SLC26A6: variants seen among roughly 807,000 people sequenced by gnomAD.
SLC26A6 encodes solute carrier family 26 member 6.
Under a neutral mutation model 87.1 loss-of-function variants are expected in SLC26A6, and 67 were observed. The observed-to-expected ratio is 0.77, with a 90% CI of 0.63 to 0.94. The LOEUF (loss-of-function observed/expected upper bound fraction) is 0.94, where lower values mean the gene tolerates loss of function less well. Among genes scored for constraint, SLC26A6 ranks in the 40% least tolerant of loss-of-function variants. The pLI, the probability that SLC26A6 is intolerant of heterozygous loss-of-function variation, is 0.00. For synonymous variants in SLC26A6, 414 were observed against 405.9 expected (o/e 1.02, Z -0.24); for missense variants, 902 against 973.0 (o/e 0.93, Z 0.97).
intron 1 of SLC26A6, 178 bp from the exon 2 acceptor site, chr3:48,633,813 G>A (rs2046880639): frequency 2.8e-6 from 4 of 1,441,490 alleles, no homozygotes; most frequent in African/African-American, 1.4e-5. Context: ...GACAGGGGCA[G>A]TACCTGAACT....
Position 48,630,727 on chromosome 3 carries a change from G to A in SLC26A6, c.1135-7C>T, listed in dbSNP as rs1240048147. ...GGCCCAGGGCCACCAGCTCCTGACG[G>A]GGGACAGTACGGGTGTGAGAAGACT... On this transcript the variant is annotated splice_polypyrimidine_tract_variant and splice_region_variant and intron_variant, in intron 9 of 20. Transcript: ENST00000395550. 4.4e-6 allele frequency: 7 copies of A among 1,592,016 alleles called. No homozygotes were observed. In the South Asian group the frequency reaches 6.8e-5, roughly 15 times the overall value.
chr3:48,632,733 C>T (rs2046841190), intron 4 of SLC26A6: 1 of 676,540 alleles, frequency 1.5e-6, no homozygotes, highest in African/African-American at 1.8e-5. Context: ...AGTTCCAGGC[C>T]CCTTGGGCTG....
Position 48,632,027 on chromosome 3 carries a change from G to A in SLC26A6, c.603C>T (p.Ile201=), listed in dbSNP as rs757323657. 6.2e-7 allele frequency: 1 copy of A among 1,613,360 alleles called. No individual in the cohort carries two copies. Among genetic ancestry groups the A allele is most frequent in the Non-Finnish European group, 8.5e-7 (1 of 1,180,012 alleles). The part of the protein sequence containing the change: ...VGLFQVGLGL[I]HFGFVVTYLS... ...GGTAGGTGACCACGAAGCCGAAGTG[G>A]ATCAGGCCCAGCCCCACCTGTGGGG... The change falls in exon 6 of 21, where the codon ATC becomes ATT. Residue 201 remains isoleucine (I), a synonymous_variant. Coordinates refer to ENST00000395550, the MANE Select transcript of SLC26A6 (RefSeq NM_022911.3).
At position 48,628,065 on chromosome 3, in the gene SLC26A6, A is replaced by G. The variant is rs1303971296; in HGVS notation, c.1801-27T>C. ...TACACCAGGGAAGACAGGGAATGGG[A>G]AACAGCTAGCCCGGCTGCCATGACA... On this transcript the variant is annotated intron_variant, in intron 16 of 20. Coordinates refer to ENST00000395550, the MANE Select transcript of SLC26A6 (RefSeq NM_022911.3). The surrounding 1 kb of genome is among the most constrained non-coding windows in gnomAD (Gnocchi z 4.4). The G allele has an allele frequency of 3.9e-6, 6 of 1,543,154 alleles. No homozygotes were observed. The highest frequency in any genetic ancestry group is 5.2e-6 in the Non-Finnish European group (6 of 1,147,854).
At chr3:48,635,110 C>G (rs1307428533) in intron 1 of SLC26A6, among the ~76,000 whole-genome samples, 1 of 152,248 alleles carries the variant, frequency 6.6e-6, no homozygotes, top group African/African-American at 2.4e-5. Flanking sequence ...GGCTCCTCCG[C>G]ACGCAGCTGC....
intron 19 of SLC26A6, 91 bp from the exon 20 acceptor site, chr3:48,626,445 CT>C (rs2046624923): frequency 1.3e-6 from 2 of 1,581,842 alleles, no homozygotes; most frequent in South Asian, 1.1e-5. Context: ...CTCATCACCC[CT>C]GACCTCCACC....
At position 48,632,023 on chromosome 3, in the gene SLC26A6, A is replaced by G. The variant is rs937685332; in HGVS notation, c.607T>C (p.Phe203Leu). 5 of 1,613,234 alleles carry G rather than the reference A, an allele frequency of 3.1e-6. No individual in the cohort carries two copies. Among genetic ancestry groups the G allele is most frequent in the Non-Finnish European group, 4.2e-6 (5 of 1,180,018 alleles). ...GACAGGTAGGTGACCACGAAGCCGA[A>G]GTGGATCAGGCCCAGCCCCACCTGT... ...LFQVGLGLIH[F>L]GFVVTYLSEP... Residue 203 changes from phenylalanine (F) to leucine (L), a missense_variant, in exon 6 of 21, where the codon TTC (phenylalanine) becomes CTC (leucine). Phe to Leu is a conservative substitution (Grantham distance 22). Coordinates refer to ENST00000395550, the MANE Select transcript of SLC26A6 (RefSeq NM_022911.3).
intron 14 of SLC26A6, among the ~76,000 whole-genome samples, chr3:48,629,111 G>A (rs1408767705): frequency 6.6e-6 from 1 of 152,182 alleles, no homozygotes; most frequent in Non-Finnish European, 1.5e-5. Context: ...GGCATGCATG[G>A]TAAGGGCTGG....
chr3:48,632,570 C>A (rs1186664265), intron 4 of SLC26A6, 174 bp from the exon 5 acceptor site: 4 of 867,462 alleles, frequency 4.6e-6, no homozygotes, highest in Non-Finnish European at 7.5e-6. Flanking sequence ...CAGGAGTAAA[C>A]CCTGAGCTCA....
At chr3:48,627,103 C>T in intron 17 of SLC26A6, 48 bp from the exon 18 acceptor site, 1 of 1,583,170 alleles carries the variant, frequency 6.3e-7, no homozygotes, top group South Asian at 1.2e-5. Context: ...AGAGTGAAGG[C>T]AGGACTGGCC....
chr3:48,632,128 GGAT>G, intron 5 of SLC26A6, 84 bp from the exon 6 acceptor site: 5 of 1,591,530 alleles, frequency 3.1e-6, no homozygotes, highest in Non-Finnish European at 4.3e-6. Context: ...GATGGGAGGG[GGAT>G]GAGTAGACGG....
intron 1 of SLC26A6, among the ~76,000 whole-genome samples, chr3:48,634,914 G>A (rs1280584102): frequency 6.6e-6 from 1 of 152,220 alleles, no homozygotes; most frequent in Non-Finnish European, 1.5e-5. Flanking sequence ...CCCGCGTTTG[G>A]AGGGCGGAGC....
intron 11 of SLC26A6, 51 bp from the exon 12 acceptor site, chr3:48,630,208 C>T (rs1158723616): frequency 1.3e-6 from 2 of 1,584,440 alleles, no homozygotes; most frequent in Non-Finnish European, 1.7e-6. Context: ...CCGATGCTGA[C>T]AACCCTCCTC....
intron 17 of SLC26A6, 187 bp downstream of exon 17, chr3:48,627,759 C>G (rs1328831930): frequency 3.9e-6 from 2 of 517,296 alleles, no homozygotes; most frequent in East Asian, 7.1e-5. Flanking sequence ...AGAATCTAAG[C>G]CTAGATTCTG....
In SLC26A6 at chr3:48,626,671, G is replaced by C. The variant is rs767530250; in HGVS notation, c.2088C>G (p.Phe696Leu). Reference protein sequence around the residue: ...LKSLKNIFHDFREIEVEVYMA... With the variant: ...LKSLKNIFHDLREIEVEVYMA... ...TGTACACCTCCACCTCAATCTCCCG[G>C]AAGTCATGGAAAATCTGTAGCGGAA... is the stretch of plus-strand genomic sequence containing the variant. Residue 696 changes from phenylalanine (F) to leucine (L), a missense_variant, in exon 19 of 21, where the codon TTC becomes TTG. Physicochemically the swap from Phe to Leu is conservative, Grantham distance 22. This residue lies in a region of SLC26A6 where 99 missense variants were observed against 100.1 expected (regional missense o/e 0.99). Coordinates refer to ENST00000395550, the MANE Select transcript of SLC26A6 (RefSeq NM_022911.3). 2 of 1,614,118 alleles carry C rather than the reference G, an allele frequency of 1.2e-6. No individual in the cohort carries two copies. The highest frequency in any genetic ancestry group is 1.7e-5 in the Admixed American group (1 of 60,018).
intron 11 of SLC26A6, 86 bp downstream of exon 11, chr3:48,630,352 T>C: frequency 7.0e-7 from 1 of 1,432,776 alleles, no homozygotes; most frequent in Non-Finnish European, 9.5e-7. Context: ...TAACCTTGTG[T>C]CCCCACCCCT....
In SLC26A6 at chr3:48,626,359, G is replaced by A. The variant is rs2046621944; in HGVS notation, c.2129-5C>T. 1.9e-6 allele frequency: 3 copies of A among 1,613,934 alleles called. No homozygotes were observed. The highest frequency in any genetic ancestry group is 2.5e-6 in the Non-Finnish European group (3 of 1,179,996). The stretch of plus-strand genomic sequence containing the variant: ...CAAGCTGGCTGACCACAGGGCCTGT[G>A]GGCAAGAAGTAGGCCTCCCCTGACT... On this transcript the variant is annotated splice_polypyrimidine_tract_variant and splice_region_variant and intron_variant, in intron 19 of 20. Coordinates refer to ENST00000395550, the MANE Select transcript of SLC26A6 (RefSeq NM_022911.3).
At position 48,625,829 on chromosome 3, in the gene SLC26A6, G is replaced by A. The variant is rs1044650431; in HGVS notation, c.*157C>T. On this transcript the variant is annotated 3_prime_UTR_variant, in exon 21 of 21. Transcript: ENST00000395550. The surrounding 1 kb of genome is among the most constrained non-coding windows in gnomAD (Gnocchi z 4.7). ...ATGCAGGCCCTGTCCCAGACCTGGA[G>A]CGCTGAACTTGGAGTCCCAGGACCT... 154 of 887,052 alleles carry A rather than the reference G, an allele frequency of 1.7e-4. No homozygotes were observed. Among genetic ancestry groups the A allele is most frequent in the Non-Finnish European group, 2.1e-4 (118 of 570,916 alleles). The allele number at this position is 887,052 out of a possible 1,614,324, so 54.9% of individuals were successfully genotyped here.
At chr3:48,632,431 G>A (rs1475951441) in intron 4 of SLC26A6, 35 bp from the exon 5 acceptor site, 3 of 1,589,770 alleles carry the variant, frequency 1.9e-6, no homozygotes, top group Non-Finnish European at 2.6e-6. Context: ...CTGAAGAGGA[G>A]AGGACACTGC....
Sources: allele counts gnomAD v4.1 joint callset (sites outside exome capture counted in the v4.1 genomes callset), GRCh38; gene constraint gnomAD v4.1.1; regional missense constraint gnomAD v4.1.1; non-coding constraint Gnocchi (gnomAD v3.1); transcripts MANE v1.5; gene names NCBI Gene and HGNC (gene_info 2026-07-23, HGNC 2026-07-21).